LRRFIP2: variants seen among roughly 807,000 people sequenced by gnomAD.
The protein encoded by LRRFIP2 is LRR binding FLII interacting protein 2, also known as leucine-rich repeat flightless-interacting protein 2.
LRRFIP2 carries 109 observed loss-of-function variants against 125.9 expected under a neutral mutation model. The ratio of observed to expected loss-of-function variants is 0.87; its 90% CI spans 0.74 to 1.01. The LOEUF is 1.01. Among genes scored for constraint, LRRFIP2 ranks in the 50% least tolerant of loss-of-function variants. LRRFIP2 has a pLI of 0.00. For missense variants in LRRFIP2, 850 were observed against 862.3 expected (o/e 0.99, Z 0.18); for synonymous variants, 291 against 293.1 (o/e 0.99, Z 0.07).
chr3:37,157,392 T>C (rs2096230626), intron 1 of LRRFIP2, among the ~76,000 whole-genome samples: 1 of 151,898 alleles, frequency 6.6e-6, no homozygotes, highest in Admixed American at 6.6e-5. Context: ...GCAGTATGCC[T>C]TGATCACACC....
intron 2 of LRRFIP2, among the ~76,000 whole-genome samples, chr3:37,138,618 C>A (rs2095617176): frequency 6.6e-6 from 1 of 152,186 alleles, no homozygotes; most frequent in Non-Finnish European, 1.5e-5. Context: ...TAGTACCAAA[C>A]CCTATCCCAC....
Position 37,060,756 on chromosome 3 carries a change from T to G in LRRFIP2, c.1750-1846A>C, listed in dbSNP as rs1356108683. On this transcript the variant is annotated intron_variant, in intron 24 of 27. Coordinates refer to ENST00000336686, the MANE Select transcript of LRRFIP2 (RefSeq NM_006309.4). The surrounding 1 kb of genome is among the most constrained non-coding windows in gnomAD (Gnocchi z 4.1). ...TCAAATTATATACACTAACTACTTATCATTGCCAAAATCCCATTCCTTCAT... is the reference window on the plus strand; with the variant it reads ...TCAAATTATATACACTAACTACTTAGCATTGCCAAAATCCCATTCCTTCAT... Among the ~76,000 whole-genome samples the G allele has an allele frequency of 6.6e-6, 1 of 152,202 alleles. No individual in the cohort carries two copies. The highest frequency in any genetic ancestry group is 2.4e-5 in the African/African-American group (1 of 41,454).
chr3:37,106,543 C>A (rs2094332666), intron 13 of LRRFIP2, among the ~76,000 whole-genome samples: 1 of 152,160 alleles, frequency 6.6e-6, no homozygotes, highest in Admixed American at 6.5e-5. Flanking sequence ...TACAGTAATA[C>A]ACACCTGCAG....
intron 13 of LRRFIP2, 62 bp downstream of exon 13, chr3:37,108,011 G>T: frequency 2.3e-6 from 3 of 1,322,462 alleles, no homozygotes; most frequent in South Asian, 1.2e-5. Flanking sequence ...TCTAAACAGT[G>T]AGTACAGATT....
intron 1 of LRRFIP2, chr3:37,170,749 C>G (rs1045929730): frequency 2.0e-5 from 3 of 152,184 alleles, no homozygotes; most frequent in African/African-American, 7.2e-5. Context: ...TGGCACAATC[C>G]TATGCTCTTT....
intron 21 of LRRFIP2, among the ~76,000 whole-genome samples, chr3:37,071,770 G>A (rs141331518): frequency 1.3e-3 from 197 of 152,258 alleles, no homozygotes; most frequent in Non-Finnish European, 2.1e-3. Context: ...GCCCTTCCCT[G>A]ACAAGGTAAG....
rs759386620 is a variant in LRRFIP2 at position 37,072,811 on chromosome 3, A to C, written c.1443T>G (p.Leu481=). ...ATACCCCAATTTTTTTATCTTTCCA[A>C]AGAAGTGTCTCCTGGAGGTCAAACA... The part of the protein sequence containing the change: ...KEVFDLQETL[L]WKDKKIGALE... The change falls in exon 21 of 28, where the codon CTT becomes CTG. Residue 481 remains leucine (L), a synonymous_variant. Coordinates refer to ENST00000336686, the MANE Select transcript of LRRFIP2 (RefSeq NM_006309.4). 2.4e-5 allele frequency: 38 copies of C among 1,612,648 alleles called. No homozygotes were observed. The highest frequency in any genetic ancestry group is 3.1e-5 in the Non-Finnish European group (37 of 1,179,174).
chr3:37,103,130 C>A, intron 14 of LRRFIP2, 117 bp from the exon 15 acceptor site: 2 of 637,956 alleles, frequency 3.1e-6, no homozygotes, highest in South Asian at 2.1e-5. Flanking sequence ...GATAAAGTAC[C>A]AAGAAATAAA....
At chr3:37,156,332 T>A (rs562150501) in intron 1 of LRRFIP2, among the ~76,000 whole-genome samples, 22 of 151,908 alleles carry the variant, frequency 1.4e-4, no homozygotes, top group East Asian at 7.7e-4. Context: ...ATTTTTTTTT[T>A]AATTTTTTAT....
At chr3:37,152,556 G>A (rs1010157585) in intron 1 of LRRFIP2, among the ~76,000 whole-genome samples, 9 of 152,120 alleles carry the variant, frequency 5.9e-5, no homozygotes, top group Middle Eastern at 6.8e-3. Flanking sequence ...TGATTCTCCT[G>A]TCTCAGCCTC....
chr3:37,077,706 G>A (rs1050852785), intron 19 of LRRFIP2, among the ~76,000 whole-genome samples: 1 of 152,006 alleles, frequency 6.6e-6, no homozygotes, highest in Non-Finnish European at 1.5e-5. Flanking sequence ...TTACAAAATT[G>A]TAAAACAAAA....
At chr3:37,151,130 G>T (rs566434212) in intron 1 of LRRFIP2, among the ~76,000 whole-genome samples, 1 of 152,114 alleles carries the variant, frequency 6.6e-6, no homozygotes, top group Non-Finnish European at 1.5e-5. Context: ...AGGCCAAGGC[G>T]GGCAAATCAC....
intron 4 of LRRFIP2, among the ~76,000 whole-genome samples, chr3:37,123,212 G>A (rs943126505): frequency 2.4e-4 from 36 of 152,076 alleles, no homozygotes; most frequent in African/African-American, 8.0e-4. Context: ...TTTTTGAGAC[G>A]GAGTCTCGCT....
intron 19 of LRRFIP2, among the ~76,000 whole-genome samples, chr3:37,080,631 G>C (rs908224409): frequency 1.3e-5 from 2 of 151,948 alleles, no homozygotes; most frequent in African/African-American, 4.8e-5. Context: ...TTAAGCCTCT[G>C]TGCCTAACTA....
Position 37,072,335 on chromosome 3 carries a change from T to C in LRRFIP2, c.1464+455A>G, listed in dbSNP as rs540921113. On this transcript the variant is annotated intron_variant, in intron 21 of 27. Transcript: ENST00000336686. ...GGCTAACATGGTGAAACCCCGTCTC[T>C]AATAAAAAGACAAAAAATTAGCTGG... Among the ~76,000 whole-genome samples the C allele has an allele frequency of 2.0e-5, 3 of 151,784 alleles. No homozygotes were observed. The East Asian group carries it at 5.8e-4, about 29-fold the overall frequency.
At chr3:37,068,067 T>G (rs2090480639) in intron 21 of LRRFIP2, 1 of 152,266 alleles carries the variant, frequency 6.6e-6, no homozygotes, top group Admixed American at 6.5e-5. Context: ...CAAGTCTGCC[T>G]GTGAATTAAC....
intron 14 of LRRFIP2, among the ~76,000 whole-genome samples, chr3:37,103,712 A>G (rs1271854391): frequency 6.6e-6 from 1 of 152,166 alleles, no homozygotes; most frequent in Admixed American, 6.5e-5. Context: ...AGGGTAACCC[A>G]CACACATAGA....
chr3:37,053,731 G>C lies in LRRFIP2; in HGVS notation c.*120C>G, dbSNP rs2086018873. On this transcript the variant is annotated 3_prime_UTR_variant, in exon 28 of 28. Transcript: ENST00000336686. ...TCTGTCATAAATTATAAAATACAAAGGTGGCTGTTTTAATGACAAAACTCA... is the reference window on the plus strand; with the variant it reads ...TCTGTCATAAATTATAAAATACAAACGTGGCTGTTTTAATGACAAAACTCA... 3.1e-6 allele frequency: 2 copies of C among 647,936 alleles called. No individual in the cohort carries two copies. Among genetic ancestry groups the C allele is most frequent in the Non-Finnish European group, 5.6e-6 (2 of 354,290 alleles). The allele number at this position is 647,936 out of a possible 1,614,324, so 40.1% of individuals were successfully genotyped here.
At chr3:37,165,492 A>C (rs932358046) in intron 1 of LRRFIP2, among the ~76,000 whole-genome samples, 1 of 150,236 alleles carries the variant, frequency 6.7e-6, no homozygotes, top group Non-Finnish European at 1.5e-5. Flanking sequence ...CATGGTGGCT[A>C]ACGCCTATAA....
Sources: gnomAD v4.1 joint callset for allele counts (sites outside exome capture counted in the v4.1 genomes callset) on GRCh38, gnomAD v4.1.1 for gene constraint, Gnocchi (gnomAD v3.1) non-coding constraint, MANE v1.5 for transcripts, NCBI Gene and HGNC (gene_info 2026-07-23, HGNC 2026-07-21) for gene names.